The following SMIM36 variants were observed in gnomAD, a reference collection of about 807,000 sequenced individuals.
SMIM36 encodes the protein small integral membrane protein 36.
the SMIM36 span, among the ~76,000 whole-genome samples, chr17:55,518,900 C>A: frequency 5.3e-5 from 8 of 151,644 alleles, no homozygotes; most frequent in African/African-American, 1.9e-4. Context: ...GAGGTAGGGA[C>A]AATGCTTCCA....
At position 55,483,512 on chromosome 17, in the gene SMIM36, T is replaced by A. The variant is rs1322791463; in HGVS notation, c.*175-3932A>T. ...CATCATGTGGGTGGGCCTCCTCTAG[T>A]CAGTCGAAAAGCTTAAGAGACGAGG... On this transcript the variant is annotated intron_variant, in intron 1 of 4. Coordinates refer to ENST00000636752, the Ensembl canonical transcript of SMIM36. Among the ~76,000 whole-genome samples, 4 of 152,192 alleles carry A rather than the reference T, an allele frequency of 2.6e-5. No individual in the cohort carries two copies. The East Asian group carries it at 7.7e-4, about 29-fold the overall frequency.
chr17:55,468,121 G>C (rs905271662), intron 3 of SMIM36: 1 of 152,296 alleles, frequency 6.6e-6, no homozygotes, highest in African/African-American at 2.4e-5. Flanking sequence ...CTGCACCCAG[G>C]TGATTAAAAA....
At chr17:55,518,952 T>G in the SMIM36 span, among the ~76,000 whole-genome samples, 1 of 151,678 alleles carries the variant, frequency 6.6e-6, no homozygotes, top group Admixed American at 6.6e-5. Context: ...TAGAACAGCT[T>G]TGGTGGTGAG....
intron 4 of SMIM36, among the ~76,000 whole-genome samples, chr17:55,463,504 T>C (rs1024132648): frequency 6.6e-6 from 1 of 152,226 alleles, no homozygotes; most frequent in African/African-American, 2.4e-5. Flanking sequence ...GAGTTATGAC[T>C]TTGCCACTGC....
rs1015178370 is a variant in SMIM36, at chr17:55,500,655, A to G, written c.*174+10224T>C. ...ATATAAAATGTTCAATGCATCTAAT[A>G]TTGAAGTTAAGAAAATAAAATATTC... On this transcript the variant is annotated intron_variant, in intron 1 of 4. Coordinates refer to ENST00000636752, the Ensembl canonical transcript of SMIM36. Among the ~76,000 whole-genome samples, 16 of 149,704 alleles carry G rather than the reference A, an allele frequency of 1.1e-4. 1 individual carries two copies. In the South Asian group the frequency reaches 1.5e-3, roughly 14 times the overall value.
intron 1 of SMIM36, among the ~76,000 whole-genome samples, chr17:55,482,172 A>G (rs1909531793): frequency 6.6e-6 from 1 of 152,244 alleles, no homozygotes. Context: ...GACCCTTTCT[A>G]AAATTGCAGA....
chr17:55,469,585 T>G (rs1249210453), intron 3 of SMIM36, among the ~76,000 whole-genome samples: 1 of 152,038 alleles, frequency 6.6e-6, no homozygotes, highest in Non-Finnish European at 1.5e-5. Flanking sequence ...GCCTTTAAGG[T>G]GTACAATAAT....
intron 3 of SMIM36, among the ~76,000 whole-genome samples, chr17:55,470,366 T>C (rs12943183): frequency 0.51 from 77,203 of 151,982 alleles, 19,994 homozygotes; most frequent in African/African-American, 0.58. Flanking sequence ...TGCCGAGCTT[T>C]GGGTAACTCT....
chr17:55,472,779 A>G (rs1909361842), intron 3 of SMIM36, among the ~76,000 whole-genome samples: 1 of 151,444 alleles, frequency 6.6e-6, no homozygotes, highest in South Asian at 2.1e-4. Context: ...GAGGCAGGAG[A>G]ATTGCTTGAA....
the SMIM36 span, among the ~76,000 whole-genome samples, chr17:55,523,785 C>G: frequency 6.6e-6 from 1 of 152,158 alleles, no homozygotes; most frequent in Non-Finnish European, 1.5e-5. Context: ...TTCAAATTGC[C>G]TGGCTCTATT....
intron 4 of SMIM36, among the ~76,000 whole-genome samples, chr17:55,451,559 G>A (rs1282097172): frequency 6.6e-6 from 1 of 152,140 alleles, no homozygotes; most frequent in Non-Finnish European, 1.5e-5. Flanking sequence ...TTTGTTGAGT[G>A]TCTTCTCTTG....
chr17:55,486,961 T>C (rs1422130970), intron 1 of SMIM36, among the ~76,000 whole-genome samples: 2 of 152,202 alleles, frequency 1.3e-5, no homozygotes, highest in Non-Finnish European at 2.9e-5. Flanking sequence ...AAATGTGTGT[T>C]GAGCGCAGAC....
upstream of SMIM36, among the ~76,000 whole-genome samples, chr17:55,515,597 A>G (rs372699247): frequency 4.3e-4 from 66 of 152,244 alleles, no homozygotes; most frequent in African/African-American, 1.5e-3. Context: ...AGAGACACAC[A>G]GGGAGGAGAT....
At chr17:55,520,699 A>G in the SMIM36 span, among the ~76,000 whole-genome samples, 1 of 152,126 alleles carries the variant, frequency 6.6e-6, no homozygotes, top group South Asian at 2.1e-4. Context: ...AAAACTTACG[A>G]ATAGTTTATT....
At chr17:55,479,956 T>A (rs1019146552) in intron 1 of SMIM36, among the ~76,000 whole-genome samples, 2 of 152,170 alleles carry the variant, frequency 1.3e-5, no homozygotes, top group Non-Finnish European at 2.9e-5. Context: ...ACATTACTTT[T>A]GACCACTTGA....
chr17:55,529,015 T>C, the SMIM36 span, among the ~76,000 whole-genome samples: 39 of 152,316 alleles, frequency 2.6e-4, no homozygotes, highest in African/African-American at 8.4e-4. Context: ...CTGTGTGACA[T>C]TGGATAAGTC....
rs1339161294 is a variant in SMIM36 at position 55,486,036 on chromosome 17, T to C, written c.*175-6456A>G. Among the ~76,000 whole-genome samples the C allele has an allele frequency of 2.4e-5, 3 of 123,926 alleles. No individual in the cohort carries two copies. The Admixed American group carries it at 2.7e-4, about 11-fold the overall frequency. The allele number at this position is 123,926 out of a possible 152,430, so 81.3% of individuals were successfully genotyped here. A position where few individuals can be genotyped will look rare whatever the true frequency, so the allele number is the denominator to read the frequency against. Reference sequence around the variant, plus strand: ...AGAGCTTTCTTTTTTTTTTTTCCTTTATTCTTTTTTTTTTTTTGAGACGGA... The same window carrying C: ...AGAGCTTTCTTTTTTTTTTTTCCTTCATTCTTTTTTTTTTTTTGAGACGGA... On this transcript the variant is annotated intron_variant, in intron 1 of 4. Coordinates refer to ENST00000636752, the Ensembl canonical transcript of SMIM36.
At chr17:55,470,731 G>A (rs186146696) in intron 3 of SMIM36, among the ~76,000 whole-genome samples, 9 of 151,934 alleles carry the variant, frequency 5.9e-5, no homozygotes, top group East Asian at 5.8e-4. Flanking sequence ...ACCTTAATCC[G>A]CAAGTATGGG....
At chr17:55,525,872 G>T in the SMIM36 span, among the ~76,000 whole-genome samples, 4 of 152,088 alleles carry the variant, frequency 2.6e-5, no homozygotes, top group Non-Finnish European at 1.5e-5. Context: ...TGGCCAGACT[G>T]GTCTCGAACT....
Sources: allele counts gnomAD v4.1 joint callset (sites outside exome capture counted in the v4.1 genomes callset), GRCh38; gene constraint gnomAD v4.1.1; transcripts MANE v1.5; gene names NCBI Gene and HGNC (gene_info 2026-07-23, HGNC 2026-07-21).